The following ACMSD variants were observed in gnomAD, a reference collection of about 807,000 sequenced individuals.
The protein encoded by ACMSD is 2-amino-3-carboxymuconate-6-semialdehyde decarboxylase.
In ACMSD, 37 loss-of-function variants were observed where a neutral mutation model predicts 45.9. The ratio of observed to expected loss-of-function variants is 0.81; its 90% CI spans 0.62 to 1.06. The LOEUF (loss-of-function observed/expected upper bound fraction) is 1.06, where lower values mean the gene tolerates loss of function less well. Ranked by LOEUF, ACMSD falls within the 50% of genes least tolerant of loss-of-function variation. ACMSD has a pLI of 0.00. For synonymous variants in ACMSD, 138 were observed against 148.8 expected, an observed-to-expected ratio of 0.93 and a Z score of 0.53; for missense variants, 434 against 420.9, an observed-to-expected ratio of 1.03 and a Z score of -0.27.
chr2:134,874,527 C>T (rs1319320082), intron 8 of ACMSD, among the ~76,000 whole-genome samples: 2 of 152,074 alleles, frequency 1.3e-5, no homozygotes, highest in African/African-American at 2.4e-5. Context: ...AGCAAGAGGA[C>T]AAAATGCCGT....
chr2:134,868,275 C>T (rs1688219185), intron 6 of ACMSD, among the ~76,000 whole-genome samples: 1 of 152,054 alleles, frequency 6.6e-6, no homozygotes, highest in Non-Finnish European at 1.5e-5. Flanking sequence ...ATCCATAGTT[C>T]CACGAAAGGG....
intron 8 of ACMSD, among the ~76,000 whole-genome samples, chr2:134,896,479 G>C (rs1281776480): frequency 6.6e-6 from 1 of 152,126 alleles, no homozygotes; most frequent in African/African-American, 2.4e-5. Flanking sequence ...AAATGGACAT[G>C]AATGTACACA....
chr2:134,874,935 A>T (rs1573677012), intron 8 of ACMSD, among the ~76,000 whole-genome samples: 1 of 152,348 alleles, frequency 6.6e-6, no homozygotes, highest in East Asian at 1.9e-4. Context: ...TAAGCTTATT[A>T]TCTGGGAATA....
chr2:134,889,769 A>AT (rs773527356), intron 8 of ACMSD, among the ~76,000 whole-genome samples: 21 of 152,106 alleles, frequency 1.4e-4, no homozygotes, highest in Non-Finnish European at 2.5e-4. Flanking sequence ...GGGAAATAGC[A>AT]TAAGGATACA....
In ACMSD at chr2:134,858,038, G is replaced by T. The variant is rs559879759; in HGVS notation, c.103-1223G>T. The stretch of plus-strand genomic sequence containing the variant: ...AGCAATTCTACTTCTGGCTATATAT[G>T]CAGAGGAAATGAAACCAGTATGTTG... On this transcript the variant is annotated intron_variant, in intron 2 of 9. Transcript: ENST00000356140. 7.9e-5 allele frequency among the ~76,000 whole-genome samples: 12 copies of T among 152,028 alleles called. No homozygotes were observed. The South Asian group carries it at 2.5e-3, about 32-fold the overall frequency.
At chr2:134,854,795 A>G (rs983389658) in intron 2 of ACMSD, among the ~76,000 whole-genome samples, 11 of 148,318 alleles carry the variant, frequency 7.4e-5, no homozygotes, top group Non-Finnish European at 1.5e-4. Context: ...CAAGCATGAC[A>G]AGTATAATGA....
At chr2:134,852,584 A>G (rs2053726) in intron 2 of ACMSD, among the ~76,000 whole-genome samples, 91,425 of 152,026 alleles carry the variant, frequency 0.6, 29,503 homozygotes, top group Middle Eastern at 0.91. Flanking sequence ...GCCAACCCAG[A>G]AGGAAAAGCA....
intron 2 of ACMSD, among the ~76,000 whole-genome samples, chr2:134,845,789 A>G (rs966247882): frequency 6.6e-6 from 1 of 152,180 alleles, no homozygotes; most frequent in Non-Finnish European, 1.5e-5. Context: ...CTGTGGGCAA[A>G]GCCCTCTAGA....
At chr2:134,840,337 G>C (rs1160406427) in intron 1 of ACMSD, among the ~76,000 whole-genome samples, 1 of 151,672 alleles carries the variant, frequency 6.6e-6, no homozygotes, top group East Asian at 1.9e-4. Flanking sequence ...TAGCATGATC[G>C]ACCCTCCAAG....
intron 1 of ACMSD, 47 bp downstream of exon 1, chr2:134,838,786 T>C (rs771700602): frequency 7.7e-6 from 11 of 1,435,776 alleles, no homozygotes; most frequent in Middle Eastern, 1.8e-4. Flanking sequence ...TTCTCCAGGG[T>C]TTCTCAATGC....
At chr2:134,877,835 A>ATC (rs1198178454) in intron 8 of ACMSD, among the ~76,000 whole-genome samples, 1 of 152,174 alleles carries the variant, frequency 6.6e-6, no homozygotes, top group Non-Finnish European at 1.5e-5. Flanking sequence ...ACGTCATTTA[A>ATC]TCTAGCTCAC....
At chr2:134,887,309 C>A (rs1488762837) in intron 8 of ACMSD, among the ~76,000 whole-genome samples, 3 of 152,116 alleles carry the variant, frequency 2.0e-5, no homozygotes, top group Non-Finnish European at 4.4e-5. Flanking sequence ...AGGGTTACTA[C>A]AGAACAACAG....
At chr2:134,847,436 A>G (rs866344221) in intron 2 of ACMSD, among the ~76,000 whole-genome samples, 3 of 140,552 alleles carry the variant, frequency 2.1e-5, no homozygotes, top group Admixed American at 7.1e-5. Flanking sequence ...AGATAGATAG[A>G]TAGATAGATA....
chr2:134,858,534 A>G, intron 2 of ACMSD, among the ~76,000 whole-genome samples: 1 of 152,260 alleles, frequency 6.6e-6, no homozygotes, highest in East Asian at 1.9e-4. Flanking sequence ...CCTCAAAAAA[A>G]ATAAGTATGT....
intron 8 of ACMSD, among the ~76,000 whole-genome samples, chr2:134,897,338 CTCTT>C (rs1194962575): frequency 6.6e-6 from 1 of 152,094 alleles, no homozygotes. Flanking sequence ...TTGTTCTAGA[CTCTT>C]TATTTCTCTT....
chr2:134,839,593 T>G (rs1298819092), intron 1 of ACMSD, among the ~76,000 whole-genome samples: 1 of 152,230 alleles, frequency 6.6e-6, no homozygotes, highest in Non-Finnish European at 1.5e-5. Flanking sequence ...TAACCCAAAC[T>G]TGAATTAAAT....
intron 8 of ACMSD, among the ~76,000 whole-genome samples, chr2:134,893,558 G>A (rs1187288451): frequency 1.6e-4 from 24 of 151,970 alleles, no homozygotes; most frequent in Admixed American, 1.6e-3. Flanking sequence ...CTCTTTTGTA[G>A]GCATTTTCCC....
rs1393066571 is a variant in ACMSD at position 134,872,500 on chromosome 2, C to T, written c.708C>T (p.Ile236=). 1.9e-6 allele frequency: 3 copies of T among 1,614,164 alleles called. No individual in the cohort carries two copies. The highest frequency in any genetic ancestry group is 2.5e-6 in the Non-Finnish European group (3 of 1,180,030). The change falls in exon 8 of 10, where the codon ATC becomes ATT. Residue 236 remains isoleucine, a synonymous_variant. Coordinates refer to ENST00000356140, the MANE Select transcript of ACMSD (RefSeq NM_138326.3). The stretch of plus-strand genomic sequence containing the variant: ...CCTTCCCCTTCACAGTGGGAAGAAT[C>T]TCCCATGGATTCAGCATGCGCCCAG... ...GGAFPFTVGR[I]SHGFSMRPDL...
chr2:134,896,749 T>C (rs1187458391), intron 8 of ACMSD, among the ~76,000 whole-genome samples: 1 of 152,190 alleles, frequency 6.6e-6, no homozygotes, highest in East Asian at 1.9e-4. Flanking sequence ...CTCAAAATGT[T>C]AAACATGGAC....
Sources: gnomAD v4.1 joint callset for allele counts (sites outside exome capture counted in the v4.1 genomes callset) on GRCh38, gnomAD v4.1.1 for gene constraint, MANE v1.5 for transcripts, NCBI Gene and HGNC (gene_info 2026-07-23, HGNC 2026-07-21) for gene names.